Variants in MYO16 observed in about 807,000 individuals in gnomAD.
MYO16 encodes unconventional myosin-XVI.
A neutral mutation model predicts 205.3 loss-of-function variants in MYO16; 94 were observed. The ratio of observed to expected loss-of-function variants is 0.46; its 90% confidence interval spans 0.39 to 0.54. MYO16 has a LOEUF of 0.54. MYO16 is among the 20% of genes least tolerant of loss of function. MYO16 has a pLI of 0.00. For synonymous variants in MYO16, 988 were observed against 954.0 expected, an observed-to-expected ratio of 1.04 and a Z score of -0.66; for missense variants, 2,315 against 2,387.5, an observed-to-expected ratio of 0.97 and a Z score of 0.63.
intron 16 of MYO16, among the ~76,000 whole-genome samples, chr13:108,946,633 T>C (rs569355457): frequency 2.5e-4 from 38 of 152,332 alleles, no homozygotes; most frequent in Non-Finnish European, 5.3e-4. Context: ...TTATTAAATA[T>C]TTAAATGTAT....
At position 108,820,369 on chromosome 13, in the gene MYO16, G is replaced by GGA; in HGVS notation, c.901_902insAG (p.Ala301GlufsTer7). 3 of 1,606,618 alleles carry GGA rather than the reference G, an allele frequency of 1.9e-6. No homozygotes were observed. Among genetic ancestry groups the GGA allele is most frequent in the Non-Finnish European group, 2.6e-6 (3 of 1,176,236 alleles). On this transcript the variant is annotated frameshift_variant, in exon 8 of 35. Transcript: ENST00000457511. LOFTEE classifies it high-confidence loss of function. ...TGGTGAAACTTCTCCTGATGCATCA[G>GGA]GCAAACCCACACCTCGTGAACTGTA...
At chr13:108,970,314 G>A (rs870264) in intron 20 of MYO16, among the ~76,000 whole-genome samples, 45,942 of 152,098 alleles carry the variant, frequency 0.3, 8,894 homozygotes, top group African/African-American at 0.55. Flanking sequence ...ATGAAAACAT[G>A]TTTTCTAATG....
chr13:109,012,287 G>A (rs1885628131), intron 22 of MYO16, among the ~76,000 whole-genome samples: 1 of 152,144 alleles, frequency 6.6e-6, no homozygotes, highest in Middle Eastern at 3.2e-3. Context: ...CTTCACAGCA[G>A]GGGGTGAGCA....
intron 4 of MYO16, among the ~76,000 whole-genome samples, chr13:108,769,832 A>AGGC (rs148228588): frequency 0.079 from 12,040 of 152,248 alleles, 606 homozygotes; most frequent in Non-Finnish European, 0.12. Context: ...AAAGTCAGTG[A>AGGC]GGCGGAGGCA....
At chr13:108,574,462 T>C in the MYO16 span, among the ~76,000 whole-genome samples, 1 of 152,130 alleles carries the variant, frequency 6.6e-6, no homozygotes, top group African/African-American at 2.4e-5. Flanking sequence ...AAAATAAACT[T>C]TATCTCTCAT....
chr13:108,823,053 A>G (rs903397703), intron 8 of MYO16, 72 bp from the exon 9 acceptor site: 10 of 1,369,878 alleles, frequency 7.3e-6, no homozygotes, highest in Non-Finnish European at 8.0e-6. Context: ...TATCGGAATT[A>G]TTGAAAGTAA....
chr13:109,007,336 C>A (rs989764098), intron 21 of MYO16, among the ~76,000 whole-genome samples: 2 of 150,674 alleles, frequency 1.3e-5, no homozygotes, highest in Admixed American at 6.6e-5. Flanking sequence ...TGCAGTGAGC[C>A]GAGATGGCGC....
intron 4 of MYO16, among the ~76,000 whole-genome samples, chr13:108,742,802 G>A (rs1186113167): frequency 6.6e-6 from 1 of 152,204 alleles, no homozygotes; most frequent in Non-Finnish European, 1.5e-5. Context: ...TTAAATGCTT[G>A]TAAAATATCC....
intron 16 of MYO16, among the ~76,000 whole-genome samples, chr13:108,915,352 A>C (rs978910883): frequency 3.9e-5 from 6 of 152,228 alleles, no homozygotes; most frequent in Non-Finnish European, 8.8e-5. Flanking sequence ...TCAGACGAGA[A>C]AAACAAAACA....
At chr13:108,918,170 TCTC>T (rs1881582874) in intron 16 of MYO16, among the ~76,000 whole-genome samples, 2 of 152,210 alleles carry the variant, frequency 1.3e-5, no homozygotes, top group Non-Finnish European at 2.9e-5. Context: ...TCTTAACCCT[TCTC>T]CTTTCTTTTT....
chr13:108,713,776 A>G (rs963115062), intron 3 of MYO16, among the ~76,000 whole-genome samples: 3 of 152,228 alleles, frequency 2.0e-5, no homozygotes, highest in Non-Finnish European at 4.4e-5. Context: ...CAGTTTGCCA[A>G]AGAATATAGG....
At chr13:108,772,169 T>C (rs1229498535) in intron 4 of MYO16, among the ~76,000 whole-genome samples, 1 of 151,526 alleles carries the variant, frequency 6.6e-6, no homozygotes, top group East Asian at 1.9e-4. Flanking sequence ...GGCAACATGG[T>C]GAGACCCAGT....
intron 20 of MYO16, among the ~76,000 whole-genome samples, chr13:108,985,275 T>C (rs277796): frequency 0.22 from 32,981 of 152,142 alleles, 3,881 homozygotes; most frequent in African/African-American, 0.28. Flanking sequence ...TCATGCTGTG[T>C]TTCTTTAATT....
At chr13:108,952,158 T>A (rs375636996) in intron 16 of MYO16, among the ~76,000 whole-genome samples, 2 of 134,826 alleles carry the variant, frequency 1.5e-5, no homozygotes, top group Admixed American at 7.4e-5. Flanking sequence ...AATAAATAAA[T>A]AAAACGATAT....
rs554863732 is a variant in MYO16, at chr13:109,128,895, C to T, written c.4051+1345C>T. 7.3e-5 allele frequency among the ~76,000 whole-genome samples: 11 copies of T among 151,666 alleles called. No homozygotes were observed. In the South Asian group the frequency reaches 1.0e-3, roughly 14 times the overall value. On this transcript the variant is annotated intron_variant, in intron 31 of 34. Transcript: ENST00000457511. ...CAAGTGATTCTCCTGCCTCAGCCTC[C>T]GGAGTACCTGGGACTACAGGTGCCT...
At chr13:109,171,439 C>T (rs1174992432) in intron 33 of MYO16, among the ~76,000 whole-genome samples, 2 of 152,166 alleles carry the variant, frequency 1.3e-5, no homozygotes, top group Non-Finnish European at 2.9e-5. Context: ...GGAAACATTT[C>T]TCTTTTGAAT....
intron 24 of MYO16, among the ~76,000 whole-genome samples, chr13:109,049,738 C>T (rs1204741840): frequency 6.6e-6 from 1 of 152,048 alleles, no homozygotes; most frequent in Non-Finnish European, 1.5e-5. Flanking sequence ...GTTGGCTATA[C>T]TATTATGTAT....
chr13:108,562,111 C>A, the MYO16 span, among the ~76,000 whole-genome samples: 1 of 152,162 alleles, frequency 6.6e-6, no homozygotes, highest in Non-Finnish European at 1.5e-5. Context: ...ATTCATTTCT[C>A]ATGGTTCTGG....
intron 32 of MYO16, among the ~76,000 whole-genome samples, chr13:109,160,101 C>T (rs1184549117): frequency 6.6e-6 from 1 of 152,198 alleles, no homozygotes; most frequent in East Asian, 1.9e-4. Context: ...GCATTTCTGG[C>T]CTCTGCTCAC....
Sources: allele counts gnomAD v4.1 joint callset (sites outside exome capture counted in the v4.1 genomes callset), GRCh38; gene constraint gnomAD v4.1.1; transcripts MANE v1.5; gene names NCBI Gene and HGNC (gene_info 2026-07-23, HGNC 2026-07-21).